DLG2: variants seen among roughly 807,000 people sequenced by gnomAD.
DLG2 encodes the protein disks large homolog 2.
DLG2 carries 45 observed loss-of-function variants against 132.5 expected under a neutral mutation model. The ratio of observed to expected loss-of-function variants is 0.34; its 90% CI spans 0.27 to 0.44. DLG2 has a LOEUF of 0.44. DLG2 is among the 20% of genes least tolerant of loss of function. The pLI is 1.00. For missense variants in DLG2, 1,045 were observed against 1,196.9 expected (o/e 0.87, Z 1.87); for synonymous variants, 424 against 419.6 (o/e 1.01, Z -0.13).
At chr11:83,937,508 A>C (rs1482614000) in intron 14 of DLG2, among the ~76,000 whole-genome samples, 10 of 1,778 alleles carry the variant, frequency 5.6e-3, no homozygotes, top group Admixed American at 0.048. Context: ...ACTCCATCTC[A>C]AAAAAAAAAA....
intron 19 of DLG2, among the ~76,000 whole-genome samples, chr11:83,592,218 C>T (rs989432187): frequency 1.3e-5 from 2 of 151,044 alleles, no homozygotes; most frequent in African/African-American, 2.4e-5. Flanking sequence ...AAGCTGGAGG[C>T]ATCACACTAC....
At chr11:84,878,744 A>T (rs527672768) in intron 6 of DLG2, among the ~76,000 whole-genome samples, 1 of 152,334 alleles carries the variant, frequency 6.6e-6, no homozygotes, top group African/African-American at 2.4e-5. Context: ...ATATTCAGTC[A>T]TTGTGGAAAC....
chr11:84,826,613 T>C (rs1255284276), intron 6 of DLG2, among the ~76,000 whole-genome samples: 1 of 151,902 alleles, frequency 6.6e-6, no homozygotes, highest in Non-Finnish European at 1.5e-5. Context: ...ATGCCCAAGC[T>C]ACTTAGTCCA....
intron 2 of DLG2, among the ~76,000 whole-genome samples, chr11:85,624,263 G>A (rs917083934): frequency 6.6e-6 from 1 of 152,204 alleles, no homozygotes; most frequent in African/African-American, 2.4e-5. Context: ...GGCTTAGTGA[G>A]ATGTCACACC....
intron 3 of DLG2, among the ~76,000 whole-genome samples, chr11:85,583,122 GTGTGTGTGTATATATATATATA>G (rs1470664655): frequency 2.4e-4 from 12 of 49,168 alleles, no homozygotes; most frequent in South Asian, 1.0e-3. Flanking sequence ...GTGTGTGTGT[GTGTGTGTGTATATATATATATA>G]TATATATATA....
In DLG2 at chr11:85,068,790, G is replaced by A. The variant is rs1278199301; in HGVS notation, c.357+42871C>T. ...TACCAATGACTTTCTTCACAGAATT[G>A]GAAAAAACTACTTTAAAGTTCATAT... On this transcript the variant is annotated intron_variant, in intron 6 of 27. Transcript: ENST00000376104. Among the ~76,000 whole-genome samples the A allele has an allele frequency of 3.3e-5, 5 of 152,042 alleles. No homozygotes were observed. The South Asian group carries it at 1.0e-3, about 32-fold the overall frequency.
intron 5 of DLG2, among the ~76,000 whole-genome samples, chr11:85,134,960 AT>A (rs1178131711): frequency 2.6e-5 from 4 of 152,224 alleles, no homozygotes; most frequent in African/African-American, 9.6e-5. Context: ...GGTCCATTCC[AT>A]TAGGTAACTC....
intron 16 of DLG2, among the ~76,000 whole-genome samples, chr11:83,853,526 G>A (rs2060087475): frequency 6.6e-6 from 1 of 152,126 alleles, no homozygotes; most frequent in Non-Finnish European, 1.5e-5. Context: ...TATTAGAAGA[G>A]TAAACTAGAA....
chr11:85,479,924 T>C (rs755856332), intron 3 of DLG2, among the ~76,000 whole-genome samples: 1 of 152,214 alleles, frequency 6.6e-6, no homozygotes, highest in Non-Finnish European at 1.5e-5. Context: ...CCAATCATAC[T>C]GGATTGTGGC....
intron 4 of DLG2, among the ~76,000 whole-genome samples, chr11:85,284,378 T>C (rs938676200): frequency 2.6e-5 from 4 of 152,034 alleles, no homozygotes; most frequent in Middle Eastern, 3.4e-3. Flanking sequence ...GGCCTCAATA[T>C]TAACAATACA....
At chr11:85,533,109 C>G (rs577290324) in intron 3 of DLG2, among the ~76,000 whole-genome samples, 1 of 152,072 alleles carries the variant, frequency 6.6e-6, no homozygotes, top group Non-Finnish European at 1.5e-5. Flanking sequence ...CTGCAACCTC[C>G]CCCTCCCGGG....
chr11:84,804,026 C>A (rs191224936), intron 6 of DLG2, among the ~76,000 whole-genome samples: 1 of 152,106 alleles, frequency 6.6e-6, no homozygotes, highest in Non-Finnish European at 1.5e-5. Flanking sequence ...TTTAAAAATG[C>A]ATTTTACTAT....
chr11:84,513,538 A>G lies in DLG2; in HGVS notation c.519+21032T>C, dbSNP rs1353586401. On this transcript the variant is annotated intron_variant, in intron 7 of 27. Transcript: ENST00000376104. ...AGAACCCAGAAACAAATCCACACAT[A>G]TACAGTAAACTCATTTTTGACAAAG... 3.3e-5 allele frequency among the ~76,000 whole-genome samples: 5 copies of G among 152,050 alleles called. No homozygotes were observed. The East Asian group carries it at 7.7e-4, about 23-fold the overall frequency.
intron 7 of DLG2, among the ~76,000 whole-genome samples, chr11:84,454,537 C>T (rs770433833): frequency 6.6e-6 from 1 of 151,288 alleles, no homozygotes; most frequent in East Asian, 1.9e-4. Flanking sequence ...CAAAATTATA[C>T]CCAAATTTTA....
intron 7 of DLG2, among the ~76,000 whole-genome samples, chr11:84,470,344 A>G (rs1267934747): frequency 6.6e-6 from 1 of 151,740 alleles, no homozygotes; most frequent in Non-Finnish European, 1.5e-5. Context: ...CTGCTCATTT[A>G]ATTTACCAGA....
chr11:84,910,723 G>T (rs920781018), intron 6 of DLG2, among the ~76,000 whole-genome samples: 1 of 151,914 alleles, frequency 6.6e-6, no homozygotes, highest in African/African-American at 2.4e-5. Flanking sequence ...GACCTGCCTG[G>T]GCAATATAGC....
intron 7 of DLG2, among the ~76,000 whole-genome samples, chr11:84,520,112 A>T (rs2099291085): frequency 1.3e-5 from 2 of 152,178 alleles, no homozygotes; most frequent in African/African-American, 4.8e-5. Context: ...TCACTACCTT[A>T]TGAGGCAGGT....
At chr11:85,291,948 C>A (rs1207396235) in intron 3 of DLG2, among the ~76,000 whole-genome samples, 2 of 152,124 alleles carry the variant, frequency 1.3e-5, no homozygotes, top group African/African-American at 4.8e-5. Flanking sequence ...ATATGCCTTA[C>A]GCTTCCTCCA....
intron 6 of DLG2, among the ~76,000 whole-genome samples, chr11:84,950,811 C>A (rs2050820486): frequency 1.3e-5 from 2 of 151,804 alleles, no homozygotes; most frequent in African/African-American, 2.4e-5. Flanking sequence ...CACATATAAC[C>A]CCAAAGCTTG....
Sources: allele counts gnomAD v4.1 joint callset (sites outside exome capture counted in the v4.1 genomes callset), GRCh38; gene constraint gnomAD v4.1.1; transcripts MANE v1.5; gene names NCBI Gene and HGNC (gene_info 2026-07-23, HGNC 2026-07-21).